The following ULK4 variants were observed in gnomAD, a reference collection of about 807,000 sequenced individuals.
The protein encoded by ULK4 is unc-51 like kinase 4, also known as inactive serine/threonine-protein kinase ULK4.
In ULK4, 133 loss-of-function variants were observed where a neutral mutation model predicts 160.6. That is an observed-to-expected ratio of 0.83 (90% confidence interval 0.72 to 0.96). The LOEUF is 0.96. ULK4 is among the 40% of genes least tolerant of loss of function. ULK4 has a pLI of 0.00. For synonymous variants in ULK4, 534 were observed against 539.8 expected (o/e 0.99, Z 0.15); for missense variants, 1,580 against 1,499.5 (o/e 1.05, Z -0.89).
intron 32 of ULK4, among the ~76,000 whole-genome samples, chr3:41,487,064 TA>T (rs1478556847): frequency 6.6e-6 from 1 of 152,216 alleles, no homozygotes. Flanking sequence ...TTTCCTTTAA[TA>T]TCAACAATAT....
chr3:41,408,343 G>A (rs2082337980), intron 34 of ULK4, among the ~76,000 whole-genome samples: 2 of 148,228 alleles, frequency 1.3e-5, no homozygotes, highest in South Asian at 4.2e-4. Flanking sequence ...CAGGAGAATG[G>A]CGTGAACCCA....
chr3:41,480,745 T>C (rs1246897722), intron 32 of ULK4, among the ~76,000 whole-genome samples: 3 of 152,188 alleles, frequency 2.0e-5, no homozygotes, highest in Non-Finnish European at 2.9e-5. Context: ...AATTCACTCA[T>C]AGTTTCACAG....
intron 30 of ULK4, among the ~76,000 whole-genome samples, chr3:41,628,572 G>A (rs1253151298): frequency 1.3e-5 from 2 of 152,130 alleles, no homozygotes; most frequent in Admixed American, 6.5e-5. Context: ...ACGTATTATG[G>A]TTATGAAAGA....
At chr3:41,461,571 CA>C (rs2083684599) in intron 33 of ULK4, among the ~76,000 whole-genome samples, 1 of 152,154 alleles carries the variant, frequency 6.6e-6, no homozygotes, top group African/African-American at 2.4e-5. Flanking sequence ...GTAAAATGTA[CA>C]GTGGTGTTCA....
chr3:41,550,257 A>G (rs910103980), intron 32 of ULK4, among the ~76,000 whole-genome samples: 3 of 152,084 alleles, frequency 2.0e-5, no homozygotes, highest in African/African-American at 7.2e-5. Context: ...CCAGAAGATA[A>G]ATTAAAAAAT....
At chr3:41,684,999 C>T (rs1172784098) in intron 27 of ULK4, among the ~76,000 whole-genome samples, 3 of 152,252 alleles carry the variant, frequency 2.0e-5, no homozygotes, top group Non-Finnish European at 2.9e-5. Context: ...CTGCCTCATG[C>T]TGTAGCTCAG....
chr3:41,735,454 C>G (rs1259936033), intron 22 of ULK4, among the ~76,000 whole-genome samples: 1 of 152,116 alleles, frequency 6.6e-6, no homozygotes, highest in Non-Finnish European at 1.5e-5. Context: ...TTATTCCCTT[C>G]GAGTTCTACC....
intron 31 of ULK4, among the ~76,000 whole-genome samples, chr3:41,606,339 T>A (rs897636709): frequency 3.3e-5 from 5 of 152,004 alleles, no homozygotes; most frequent in Non-Finnish European, 7.4e-5. Flanking sequence ...TGAATAGTAA[T>A]CCACTGCATA....
chr3:41,766,256 AG>A (rs2125913345), intron 21 of ULK4, among the ~76,000 whole-genome samples: 1 of 152,338 alleles, frequency 6.6e-6, no homozygotes, highest in East Asian at 1.9e-4. Flanking sequence ...CGTCAGAGCA[AG>A]ACTCTGTCTC....
chr3:41,571,519 T>A (rs1256390), intron 31 of ULK4, among the ~76,000 whole-genome samples: 65,996 of 152,076 alleles, frequency 0.43, 15,435 homozygotes, highest in Middle Eastern at 0.55. Context: ...TTTGCCTCTT[T>A]AAGTCAGAGG....
intron 35 of ULK4, among the ~76,000 whole-genome samples, chr3:41,360,353 C>T (rs990103649): frequency 3.9e-5 from 6 of 152,230 alleles, no homozygotes; most frequent in African/African-American, 4.8e-5. Flanking sequence ...TGGAAGACAG[C>T]GTAGCAATTC....
intron 34 of ULK4, among the ~76,000 whole-genome samples, chr3:41,447,691 C>G (rs1575233173): frequency 6.6e-6 from 1 of 152,234 alleles, no homozygotes; most frequent in East Asian, 1.9e-4. Flanking sequence ...GATCCTAGGG[C>G]TCGGTTTTTA....
chr3:41,621,331 A>G (rs905591457), intron 30 of ULK4, among the ~76,000 whole-genome samples: 1 of 152,208 alleles, frequency 6.6e-6, no homozygotes, highest in African/African-American at 2.4e-5. Context: ...AAAAGAACAA[A>G]GCTGGAGGCA....
intron 17 of ULK4, among the ~76,000 whole-genome samples, chr3:41,867,095 C>T (rs1696914979): frequency 6.6e-6 from 1 of 152,178 alleles, no homozygotes; most frequent in Non-Finnish European, 1.5e-5. Flanking sequence ...GAACACAGGA[C>T]ATCAATTTTT....
Position 41,725,426 on chromosome 3 carries a change from T to C in ULK4, c.2322-7565A>G, listed in dbSNP as rs376103340. On this transcript the variant is annotated intron_variant, in intron 22 of 36. Transcript: ENST00000301831. Reference sequence around the variant, plus strand: ...CTATTCTTCATGTCTTCTATACTTTTGTCTCTCTACACTGATCTCAGACTT... The same window carrying C: ...CTATTCTTCATGTCTTCTATACTTTCGTCTCTCTACACTGATCTCAGACTT... 1.2e-3 allele frequency among the ~76,000 whole-genome samples: 186 copies of C among 152,338 alleles called. 1 individual carries two copies. Among genetic ancestry groups the C allele is most frequent in the African/African-American group, 4.3e-3 (180 of 41,576 alleles).
chr3:41,432,390 A>G (rs1391759027), intron 34 of ULK4, among the ~76,000 whole-genome samples: 4 of 152,224 alleles, frequency 2.6e-5, no homozygotes, highest in Non-Finnish European at 5.9e-5. Context: ...GAAAACATGT[A>G]TTTCCACAGG....
chr3:41,935,604 G>A (rs1166444448), intron 4 of ULK4, among the ~76,000 whole-genome samples, 197 bp downstream of exon 4: 1 of 151,514 alleles, frequency 6.6e-6, no homozygotes, highest in East Asian at 1.9e-4. Context: ...CAAGTGATCC[G>A]CCCGCCTCAG....
At chr3:41,320,688 A>C (rs1226073127) in intron 35 of ULK4, among the ~76,000 whole-genome samples, 1 of 113,370 alleles carries the variant, frequency 8.8e-6, no homozygotes, top group African/African-American at 4.0e-5. Flanking sequence ...AGGCTGAGGC[A>C]GGCGGATTAC....
chr3:41,444,112 G>A (rs554865021), intron 34 of ULK4, among the ~76,000 whole-genome samples: 7 of 152,166 alleles, frequency 4.6e-5, no homozygotes, highest in Non-Finnish European at 8.8e-5. Flanking sequence ...TAAGGCTTTC[G>A]ATACAGACCA....
Sources: allele counts gnomAD v4.1 joint callset (sites outside exome capture counted in the v4.1 genomes callset), GRCh38; gene constraint gnomAD v4.1.1; transcripts MANE v1.5; gene names NCBI Gene and HGNC (gene_info 2026-07-23, HGNC 2026-07-21).